Variants in KCNQ1 observed in about 807,000 individuals in gnomAD.
The protein encoded by KCNQ1 is potassium voltage-gated channel subfamily Q member 1, also known as potassium voltage-gated channel subfamily KQT member 1.
A neutral mutation model predicts 72.4 loss-of-function variants in KCNQ1; 49 were observed. The ratio of observed to expected loss-of-function variants is 0.68; its 90% confidence interval spans 0.54 to 0.86. The LOEUF is 0.86. Ranked by LOEUF, KCNQ1 falls within the 40% of genes least tolerant of loss-of-function variation. The probability of loss-of-function intolerance (pLI) is 0.00; values close to 1 mark genes in which losing one functional copy is unlikely to be tolerated. For missense variants in KCNQ1, 790 were observed against 945.1 expected, an observed-to-expected ratio of 0.84 and a Z score of 2.15; for synonymous variants, 450 against 412.6, an observed-to-expected ratio of 1.09 and a Z score of -1.10.
rs1027944354 is a variant in KCNQ1, at chr11:2,599,392, C to G, written c.1393+10538C>G. 6.3e-4 allele frequency among the ~76,000 whole-genome samples: 96 copies of G among 152,238 alleles called. 1 individual carries two copies. The highest frequency in any genetic ancestry group is 2.3e-3 in the African/African-American group (94 of 41,552). ...ATTTTATTTCTATTTCAATTCTATT[C>G]TAAAATTTATAATCTCTGCTTAATT... On this transcript the variant is annotated intron_variant, in intron 10 of 15. Coordinates refer to ENST00000155840, the MANE Select transcript of KCNQ1 (RefSeq NM_000218.3). This position sits in a 1 kb window ranked among gnomAD's most constrained non-coding sequence, Gnocchi z 4.7.
chr11:2,839,487 C>A (rs1348042411), intron 15 of KCNQ1, among the ~76,000 whole-genome samples: 1 of 152,232 alleles, frequency 6.6e-6, no homozygotes, highest in Non-Finnish European at 1.5e-5. Flanking sequence ...TGTCCAGGAG[C>A]ACGGGGCCAT....
At chr11:2,459,194 C>T (rs376029665) in intron 1 of KCNQ1, among the ~76,000 whole-genome samples, 6 of 152,336 alleles carry the variant, frequency 3.9e-5, no homozygotes, top group East Asian at 1.9e-4. Flanking sequence ...CCTTGGGACG[C>T]GGTGGTGGGG....
intron 11 of KCNQ1, chr11:2,672,885 G>A: frequency 2.5e-6 from 1 of 398,746 alleles, no homozygotes; most frequent in Admixed American, 4.4e-5. Context: ...TGACTGTCAG[G>A]GGAGCAGTAT....
Position 2,446,424 on chromosome 11 carries a change from G to A in KCNQ1, c.386+940G>A, listed in dbSNP as rs1565023638. Among the ~76,000 whole-genome samples, 1 of 152,190 alleles carries A rather than the reference G, an allele frequency of 6.6e-6. No individual in the cohort carries two copies. Reference sequence around the variant, plus strand: ...GCTGATGGCTGTGGGGCTCACCTGAGGGCTGAAGGGTGGTCTCCCTGAGCG... The same window carrying A: ...GCTGATGGCTGTGGGGCTCACCTGAAGGCTGAAGGGTGGTCTCCCTGAGCG... On this transcript the variant is annotated intron_variant, in intron 1 of 15. Transcript: ENST00000155840. The surrounding 1 kb of genome is among the most constrained non-coding windows in gnomAD (Gnocchi z 8.8).
rs1449784509 is a variant in KCNQ1 at position 2,768,350 on chromosome 11, A to G, written c.1515-494A>G. On this transcript the variant is annotated intron_variant, in intron 11 of 15. Coordinates refer to ENST00000155840, the MANE Select transcript of KCNQ1 (RefSeq NM_000218.3). This position sits in a 1 kb window ranked among gnomAD's most constrained non-coding sequence, Gnocchi z 6.7. ...CCTTAACAGAGTGGCTCTGGTGGCA[A>G]CTTTCCCTTGTTAATTTGTCCTGTA... 3.3e-5 allele frequency among the ~76,000 whole-genome samples: 5 copies of G among 152,194 alleles called. No homozygotes were observed. The highest frequency in any genetic ancestry group is 7.4e-5 in the Non-Finnish European group (5 of 68,010).
rs1310678140 is a variant in KCNQ1, at chr11:2,737,023, G to T, written c.1515-31821G>T. On this transcript the variant is annotated intron_variant, in intron 11 of 15. Coordinates refer to ENST00000155840, the MANE Select transcript of KCNQ1 (RefSeq NM_000218.3). ...CCCCTCGCCAGCACTCCCTGCTCGG[G>T]GATCCCATTATTCCAGGAGGAGGAG... 5.9e-5 allele frequency among the ~76,000 whole-genome samples: 9 copies of T among 152,204 alleles called. 1 individual carries two copies. The highest frequency in any genetic ancestry group is 1.5e-5 in the Non-Finnish European group (1 of 68,042).
chr11:2,584,576 T>G (rs1848563120), intron 7 of KCNQ1, among the ~76,000 whole-genome samples: 2 of 151,882 alleles, frequency 1.3e-5, no homozygotes, highest in Admixed American at 1.3e-4. Context: ...TGTGTTAGTG[T>G]TTGTGTGTGT....
At chr11:2,445,764 G>A (rs572201732) in intron 1 of KCNQ1, among the ~76,000 whole-genome samples, 2 of 152,322 alleles carry the variant, frequency 1.3e-5, no homozygotes, top group Non-Finnish European at 2.9e-5. Flanking sequence ...CACACCTCCG[G>A]GAGGGTAGTC....
intron 15 of KCNQ1, among the ~76,000 whole-genome samples, chr11:2,805,445 A>G (rs1411784326): frequency 6.6e-6 from 1 of 152,228 alleles, no homozygotes; most frequent in Non-Finnish European, 1.5e-5. Context: ...TAGAAAGACA[A>G]TTTACAAAAG....
At chr11:2,847,650 C>T (rs1848358293) in intron 15 of KCNQ1, 117 bp from the exon 16 acceptor site, 5 of 941,662 alleles carry the variant, frequency 5.3e-6, no homozygotes, top group Admixed American at 2.0e-5. Flanking sequence ...ATACAGCATG[C>T]ACTTGCAGAG....
rs1849223224 is a variant in KCNQ1, at chr11:2,624,118, C to T, written c.1393+35264C>T. ...TTTGAATTTTGGCCATTCTAATAAG[C>T]GTGTAGATATATCACATTTCTTGTT... On this transcript the variant is annotated intron_variant, in intron 10 of 15. Transcript: ENST00000155840. This position sits in a 1 kb window ranked among gnomAD's most constrained non-coding sequence, Gnocchi z 4.9. 5 of 398,332 alleles carry T rather than the reference C, an allele frequency of 1.3e-5. No individual in the cohort carries two copies. The highest frequency in any genetic ancestry group is 2.2e-5 in the Non-Finnish European group (5 of 226,042). 24.7% of individuals were successfully genotyped at this position (398,332 alleles called of 1,614,324 possible).
In KCNQ1 at chr11:2,563,034, C is replaced by T. The variant is rs979890563; in HGVS notation, c.478-7594C>T. 7.9e-5 allele frequency among the ~76,000 whole-genome samples: 12 copies of T among 152,100 alleles called. No individual in the cohort carries two copies. Among genetic ancestry groups the T allele is most frequent in the African/African-American group, 1.9e-4 (8 of 41,406 alleles). On this transcript the variant is annotated intron_variant, in intron 2 of 15. Transcript: ENST00000155840. The surrounding 1 kb of genome is among the most constrained non-coding windows in gnomAD (Gnocchi z 7.4). ...TGCAAAAAAATCTATATATTTCATC[C>T]AGAGAGACAGGATGTGAGCGCAGCT...
intron 1 of KCNQ1, among the ~76,000 whole-genome samples, chr11:2,465,875 C>G (rs551566927): frequency 2.6e-5 from 4 of 152,316 alleles, no homozygotes; most frequent in Non-Finnish European, 5.9e-5. Flanking sequence ...GCCTGGCTGG[C>G]AGGCAGGAGC....
At chr11:2,731,456 C>T (rs1845857549) in intron 11 of KCNQ1, among the ~76,000 whole-genome samples, 1 of 152,230 alleles carries the variant, frequency 6.6e-6, no homozygotes, top group Admixed American at 6.5e-5. Context: ...CCGCCCACCA[C>T]ACGCCCACTC....
rs952252686 is a variant in KCNQ1 at position 2,471,566 on chromosome 11, A to G, written c.386+26082A>G. On this transcript the variant is annotated intron_variant, in intron 1 of 15. Transcript: ENST00000155840. This position sits in a 1 kb window ranked among gnomAD's most constrained non-coding sequence, Gnocchi z 4.8. The stretch of plus-strand genomic sequence containing the variant: ...ATCACAGCCTCACAGGCACATGTGT[A>G]TGTGTGTGTGTGCACGTGTGTATGG... Among the ~76,000 whole-genome samples, 13 of 151,514 alleles carry G rather than the reference A, an allele frequency of 8.6e-5. No individual in the cohort carries two copies. The highest frequency in any genetic ancestry group is 2.9e-4 in the African/African-American group (12 of 41,316).
In KCNQ1 at chr11:2,508,513, G is replaced by A. The variant is rs1847142240; in HGVS notation, c.387-19415G>A. 6.6e-6 allele frequency among the ~76,000 whole-genome samples: 1 copy of A among 151,950 alleles called. No individual in the cohort carries two copies. Among genetic ancestry groups the A allele is most frequent in the African/African-American group, 2.4e-5 (1 of 41,382 alleles). ...CCATCTGTCATGCAGAGAGGGTGAT[G>A]ATATAACCAGCTGGGTGTTCGCACC... On this transcript the variant is annotated intron_variant, in intron 1 of 15. Coordinates refer to ENST00000155840, the MANE Select transcript of KCNQ1 (RefSeq NM_000218.3). The surrounding 1 kb of genome is among the most constrained non-coding windows in gnomAD (Gnocchi z 6.2).
chr11:2,696,457 G>T, intron 11 of KCNQ1: 1 of 398,618 alleles, frequency 2.5e-6, no homozygotes, highest in Non-Finnish European at 4.4e-6. Flanking sequence ...TCACCACACC[G>T]CTCTGATTGC....
Position 2,670,553 on chromosome 11 carries a change from C to T in KCNQ1, c.1514+8472C>T, listed in dbSNP as rs564484977. The stretch of plus-strand genomic sequence containing the variant: ...AAGCCTCAAGAAGGATAGGGACTTG[C>T]CAGTATCACTGGGAGATAGGAGCAG... On this transcript the variant is annotated intron_variant, in intron 11 of 15. Transcript: ENST00000155840. This position sits in a 1 kb window ranked among gnomAD's most constrained non-coding sequence, Gnocchi z 4.9. 4 of 397,834 alleles carry T rather than the reference C, an allele frequency of 1.0e-5. No homozygotes were observed. The highest frequency in any genetic ancestry group is 1.3e-4 in the South Asian group (1 of 7,810). The allele number at this position is 397,834 out of a possible 1,614,324, so 24.6% of individuals were successfully genotyped here.
intron 11 of KCNQ1, chr11:2,693,359 G>A: frequency 2.5e-6 from 1 of 398,722 alleles, no homozygotes; most frequent in Non-Finnish European, 4.4e-6. Flanking sequence ...CTGGGTGGGG[G>A]CCGAGTCTGG....
Sources: allele counts gnomAD v4.1 joint callset (sites outside exome capture counted in the v4.1 genomes callset), GRCh38; gene constraint gnomAD v4.1.1; non-coding constraint Gnocchi (gnomAD v3.1); transcripts MANE v1.5; gene names NCBI Gene and HGNC (gene_info 2026-07-23, HGNC 2026-07-21).